Variants in GSE1 observed in about 807,000 individuals in gnomAD.
GSE1 encodes Gse1 coiled-coil protein.
GSE1 carries 32 observed loss-of-function variants against 112.6 expected under a neutral mutation model. The ratio of observed to expected loss-of-function variants is 0.28; its 90% CI spans 0.21 to 0.38. The LOEUF (loss-of-function observed/expected upper bound fraction) is 0.38, where lower values mean the gene tolerates loss of function less well. GSE1 is among the 10% of genes least tolerant of loss of function. The probability of loss-of-function intolerance (pLI) is 1.00; values close to 1 mark genes in which losing one functional copy is unlikely to be tolerated. For synonymous variants in GSE1, 1,115 were observed against 735.6 expected (o/e 1.52, Z -8.35); for missense variants, 2,348 against 1,699.2 (o/e 1.38, Z -6.71).
chr16:85,255,890 G>A (rs1034550340), intron 1 of GSE1, among the ~76,000 whole-genome samples: 1 of 150,608 alleles, frequency 6.6e-6, no homozygotes, highest in Non-Finnish European at 1.5e-5. Context: ...GTCTCACCGT[G>A]TTGTCCAGGC....
At chr16:85,668,005 C>G (rs923617019) in intron 13 of GSE1, 135 bp from the exon 14 acceptor site, 2 of 682,572 alleles carry the variant, frequency 2.9e-6, no homozygotes, top group Non-Finnish European at 2.5e-6. Flanking sequence ...CTCCTCTCTA[C>G]GCGATGTCAT....
intron 2 of GSE1, among the ~76,000 whole-genome samples, chr16:85,461,805 C>T (rs918800477): frequency 6.6e-6 from 1 of 152,138 alleles, no homozygotes; most frequent in African/African-American, 2.4e-5. Context: ...CCTATTCCAT[C>T]CCCGCGGCTG....
intron 1 of GSE1, among the ~76,000 whole-genome samples, chr16:85,313,625 G>A (rs565437285): frequency 1.3e-5 from 2 of 152,184 alleles, no homozygotes; most frequent in African/African-American, 4.8e-5. Context: ...GCCCTAGGCT[G>A]GGGGGTGGGG....
intron 1 of GSE1, among the ~76,000 whole-genome samples, chr16:85,622,791 A>AG (rs2048823031): frequency 6.6e-6 from 1 of 152,182 alleles, no homozygotes; most frequent in African/African-American, 2.4e-5. Context: ...GAGCCTGGGA[A>AG]GGGGTTGACC....
chr16:85,357,383 C>G, intron 1 of GSE1: 1 of 933,884 alleles, frequency 1.1e-6, no homozygotes, highest in Non-Finnish European at 1.4e-6. Flanking sequence ...GGAATGGCAC[C>G]TATGGCCAGA....
chr16:85,636,105 C>T (rs1248089717), intron 2 of GSE1, among the ~76,000 whole-genome samples: 1 of 152,256 alleles, frequency 6.6e-6, no homozygotes, highest in East Asian at 1.9e-4. Context: ...GACACCATGG[C>T]CTCGTGGCCC....
At chr16:85,466,797 C>T (rs1038420) in intron 2 of GSE1, among the ~76,000 whole-genome samples, 123,713 of 152,028 alleles carry the variant, frequency 0.81, 50,732 homozygotes, top group East Asian at 0.98. Flanking sequence ...CAGTGGCTCA[C>T]ACCTGTAATC....
intron 3 of GSE1, among the ~76,000 whole-genome samples, chr16:85,652,944 C>T (rs1263032137): frequency 2.0e-5 from 3 of 151,730 alleles, no homozygotes; most frequent in Non-Finnish European, 4.4e-5. Context: ...CTGACATGGC[C>T]AGATGGAACG....
chr16:85,209,289 A>G (rs1447746542), intron 1 of GSE1, among the ~76,000 whole-genome samples: 2 of 152,156 alleles, frequency 1.3e-5, no homozygotes, highest in Non-Finnish European at 2.9e-5. Context: ...CCGAGGATTA[A>G]GGAACTTGCC....
At chr16:85,177,055 A>G (rs1182347826) in intron 1 of GSE1, among the ~76,000 whole-genome samples, 8 of 152,336 alleles carry the variant, frequency 5.3e-5, no homozygotes, top group African/African-American at 1.9e-4. Context: ...GCCCTTCTCA[A>G]ACTCAGAGGA....
At chr16:85,515,590 A>T (rs1200006587) in intron 2 of GSE1, among the ~76,000 whole-genome samples, 3 of 143,344 alleles carry the variant, frequency 2.1e-5, no homozygotes, top group Non-Finnish European at 4.5e-5. Context: ...AGGGGCCCAG[A>T]CTGGGCCAGG....
intron 1 of GSE1, among the ~76,000 whole-genome samples, chr16:85,309,183 A>C (rs1047625376): frequency 6.6e-6 from 1 of 152,002 alleles, no homozygotes; most frequent in Non-Finnish European, 1.5e-5. Context: ...CAGGATTTTA[A>C]ATGGTCCAGT....
chr16:85,371,005 T>C (rs780990130), intron 2 of GSE1, among the ~76,000 whole-genome samples: 1 of 152,198 alleles, frequency 6.6e-6, no homozygotes. Context: ...GGTGGCTGGC[T>C]GTGGCCTGCT....
intron 2 of GSE1, among the ~76,000 whole-genome samples, chr16:85,640,683 G>C (rs1042695543): frequency 6.6e-6 from 1 of 152,264 alleles, no homozygotes; most frequent in Non-Finnish European, 1.5e-5. Flanking sequence ...GGCCTGGGCG[G>C]GGGAGAGGCT....
chr16:85,305,664 C>T (rs1445333399), intron 1 of GSE1, among the ~76,000 whole-genome samples: 5 of 151,824 alleles, frequency 3.3e-5, no homozygotes, highest in African/African-American at 9.7e-5. Context: ...GTATTTTTAA[C>T]GGGGTTTCCC....
intron 1 of GSE1, among the ~76,000 whole-genome samples, chr16:85,346,492 C>T (rs1236944228): frequency 1.5e-5 from 2 of 133,038 alleles, no homozygotes; most frequent in Non-Finnish European, 3.1e-5. Flanking sequence ...GGATGATGGA[C>T]AGGTAGATAG....
chr16:85,409,208 G>C lies in GSE1; in HGVS notation c.2464+51565G>C, dbSNP rs1226990391. ...GGATAATCCTCACCGTTACACTCAG[G>C]GCCCCCCGGATAATCCTCACTGTTA... On this transcript the variant is annotated intron_variant, in intron 2 of 2. Coordinates refer to the GSE1 transcript ENST00000637419. Among the ~76,000 whole-genome samples the C allele has an allele frequency of 4.9e-5, 2 of 41,138 alleles. 1 individual carries two copies. Among genetic ancestry groups the C allele is most frequent in the Non-Finnish European group, 9.1e-5 (2 of 22,020 alleles). The allele number at this position is 41,138 out of a possible 152,430, so 27.0% of individuals were successfully genotyped here. A position where few individuals can be genotyped will look rare whatever the true frequency, so the allele number is the denominator to read the frequency against.
chr16:85,179,125 A>G (rs1011318328), intron 1 of GSE1, among the ~76,000 whole-genome samples: 5 of 152,030 alleles, frequency 3.3e-5, no homozygotes, highest in African/African-American at 1.2e-4. Flanking sequence ...CATCACCCCC[A>G]AAGGACACCC....
chr16:85,655,740 A>C lies in GSE1; in HGVS notation c.812A>C (p.Tyr271Ser). The change falls in exon 6 of 16, where the codon TAC becomes TCC. Residue 271 changes from tyrosine (Y) to serine (S), a missense_variant. By Grantham distance (144) the Tyr-to-Ser change is moderately radical (BLOSUM62 -2). Transcript: ENST00000253458. ...TCTCTGCACAGGATGGACGACTCCT[A>C]CTGCCTGTCTGCCCTGAGGTCCCCG... ...PHPAFRMDDS[Y>S]CLSALRSPFY... 1 of 1,604,688 alleles carries C rather than the reference A, an allele frequency of 6.2e-7. No individual in the cohort carries two copies. The highest frequency in any genetic ancestry group is 8.5e-7 in the Non-Finnish European group (1 of 1,175,598).
Sources: gnomAD v4.1 joint callset for allele counts (sites outside exome capture counted in the v4.1 genomes callset) on GRCh38, gnomAD v4.1.1 for gene constraint, MANE v1.5 for transcripts, NCBI Gene and HGNC (gene_info 2026-07-23, HGNC 2026-07-21) for gene names.